The following PTPRT variants were observed in gnomAD, a reference collection of about 807,000 sequenced individuals.
PTPRT encodes protein tyrosine phosphatase receptor type T, also known as receptor-type tyrosine-protein phosphatase T.
PTPRT carries 56 observed loss-of-function variants against 176.8 expected under a neutral mutation model. The observed-to-expected ratio is 0.32, with a 90% confidence interval of 0.26 to 0.40. PTPRT has a LOEUF of 0.40. Among genes scored for constraint, PTPRT ranks in the 10% least tolerant of loss-of-function variants. The pLI, the probability that PTPRT is intolerant of heterozygous loss-of-function variation, is 1.00. For missense variants in PTPRT, 1,540 were observed against 1,908.2 expected, an observed-to-expected ratio of 0.81 and a Z score of 3.60; for synonymous variants, 783 against 739.0, an observed-to-expected ratio of 1.06 and a Z score of -0.96.
intron 9 of PTPRT, among the ~76,000 whole-genome samples, chr20:42,360,363 T>C (rs2058416895): frequency 6.6e-6 from 1 of 152,172 alleles, no homozygotes; most frequent in Non-Finnish European, 1.5e-5. Flanking sequence ...AGATTCACTC[T>C]TCCCAGCTGC....
At chr20:42,385,146 A>G (rs1287813741) in intron 9 of PTPRT, among the ~76,000 whole-genome samples, 2 of 152,278 alleles carry the variant, frequency 1.3e-5, no homozygotes, top group South Asian at 4.2e-4. Flanking sequence ...GTTATATCCA[A>G]AAATCATCGC....
intron 1 of PTPRT, among the ~76,000 whole-genome samples, chr20:43,091,471 TTCTC>T (rs137874026): frequency 0.06 from 6,460 of 107,746 alleles, 409 homozygotes; most frequent in African/African-American, 0.15. Flanking sequence ...CCCCCTCTCT[TTCTC>T]TCTCTCTCTC....
At chr20:42,616,417 G>A (rs1252461600) in intron 7 of PTPRT, among the ~76,000 whole-genome samples, 1 of 123,228 alleles carries the variant, frequency 8.1e-6, no homozygotes, top group South Asian at 2.6e-4. Context: ...ACTTGGCGAT[G>A]CGGGCTCTTT....
chr20:42,960,705 C>T (rs1356650008), intron 1 of PTPRT, among the ~76,000 whole-genome samples: 1 of 152,090 alleles, frequency 6.6e-6, no homozygotes, highest in African/African-American at 2.4e-5. Context: ...CACACACAGC[C>T]CTTAAGCAAC....
intron 3 of PTPRT, among the ~76,000 whole-genome samples, chr20:42,789,232 T>G (rs1240461658): frequency 1.3e-5 from 2 of 152,240 alleles, no homozygotes; most frequent in Non-Finnish European, 2.9e-5. Context: ...TTGTTTAGAT[T>G]GATTACATGT....
intron 8 of PTPRT, among the ~76,000 whole-genome samples, chr20:42,451,373 T>C (rs112897452): frequency 4.9e-4 from 75 of 152,272 alleles, no homozygotes; most frequent in African/African-American, 1.7e-3. Context: ...GCTCAGTTTT[T>C]GTCATACTTT....
chr20:43,117,852 A>C (rs943343899), intron 1 of PTPRT, among the ~76,000 whole-genome samples: 2 of 152,170 alleles, frequency 1.3e-5, no homozygotes, highest in African/African-American at 4.8e-5. Flanking sequence ...TTTCCCAGGG[A>C]AGTCTAAAAA....
chr20:42,368,745 A>G lies in PTPRT; in HGVS notation c.1561-16460T>C, dbSNP rs777978201. On this transcript the variant is annotated intron_variant, in intron 9 of 30. Coordinates refer to ENST00000373187, the MANE Select transcript of PTPRT (RefSeq NM_007050.6). ...TTCATTGAAAAATATCAAAATTTGC[A>G]TGAAAGACTTTTGCTAAAGTAATAG... Among the ~76,000 whole-genome samples the G allele has an allele frequency of 7.9e-5, 12 of 152,250 alleles. 1 individual carries two copies. Among genetic ancestry groups the G allele is most frequent in the Non-Finnish European group, 1.5e-4 (10 of 68,044 alleles).
the PTPRT span, among the ~76,000 whole-genome samples, chr20:42,062,193 TC>T: frequency 6.6e-6 from 1 of 152,170 alleles, no homozygotes; most frequent in East Asian, 1.9e-4. Context: ...TAACTCCCTT[TC>T]CTTTATGGGC....
chr20:43,115,433 C>T (rs1210787061), intron 1 of PTPRT, among the ~76,000 whole-genome samples: 1 of 152,118 alleles, frequency 6.6e-6, no homozygotes, highest in African/African-American at 2.4e-5. Flanking sequence ...TGTTCAAGCC[C>T]CCCAGTCAAA....
intron 13 of PTPRT, among the ~76,000 whole-genome samples, chr20:42,263,785 A>C (rs1031454077): frequency 2.0e-5 from 3 of 151,602 alleles, no homozygotes; most frequent in African/African-American, 7.3e-5. Context: ...CAGCCTCCCA[A>C]AGTGCTGGGA....
Position 42,520,465 on chromosome 20 carries a change from G to T in PTPRT, c.1154-47903C>A, listed in dbSNP as rs541024545. 2.9e-4 allele frequency among the ~76,000 whole-genome samples: 44 copies of T among 151,948 alleles called. 1 individual carries two copies. The highest frequency in any genetic ancestry group is 2.9e-3 in the Admixed American group (44 of 15,244). On this transcript the variant is annotated intron_variant, in intron 7 of 30. Transcript: ENST00000373187. Reference sequence around the variant, plus strand: ...TTGTCTTCCAAATACACATCCCCAGGCACCACGGCTTAGATTTTTCTGTTT... The same window carrying T: ...TTGTCTTCCAAATACACATCCCCAGTCACCACGGCTTAGATTTTTCTGTTT...
At chr20:42,060,613 C>T in the PTPRT span, among the ~76,000 whole-genome samples, 2 of 152,360 alleles carry the variant, frequency 1.3e-5, no homozygotes, top group African/African-American at 4.8e-5. Flanking sequence ...CAAGTTTTCT[C>T]TCTCTGCCTG....
chr20:42,794,983 G>A (rs1276747923), intron 2 of PTPRT, among the ~76,000 whole-genome samples: 4 of 152,076 alleles, frequency 2.6e-5, no homozygotes, highest in South Asian at 2.1e-4. Context: ...GCTCAAGCGC[G>A]CCACTAGAGA....
chr20:42,546,017 AAT>A (rs2072667595), intron 7 of PTPRT, among the ~76,000 whole-genome samples: 1 of 152,120 alleles, frequency 6.6e-6, no homozygotes, highest in South Asian at 2.1e-4. Context: ...TATCTCTTTC[AAT>A]ACATACAAAT....
intron 23 of PTPRT, among the ~76,000 whole-genome samples, chr20:42,109,209 G>A (rs1986799446): frequency 6.6e-6 from 1 of 152,162 alleles, no homozygotes; most frequent in Admixed American, 6.5e-5. Context: ...ACAGCTTATG[G>A]AGTCTTCCAT....
chr20:42,051,733 G>A, the PTPRT span, among the ~76,000 whole-genome samples: 1 of 152,232 alleles, frequency 6.6e-6, no homozygotes, highest in Admixed American at 6.5e-5. Flanking sequence ...AATCATTGGT[G>A]CATGTGTACA....
At chr20:42,808,119 G>C (rs2077639882) in intron 2 of PTPRT, among the ~76,000 whole-genome samples, 1 of 152,206 alleles carries the variant, frequency 6.6e-6, no homozygotes, top group Non-Finnish European at 1.5e-5. Context: ...TGCAGACTCG[G>C]ACGGGCCATT....
intron 6 of PTPRT, among the ~76,000 whole-genome samples, chr20:42,707,218 T>C (rs771960017): frequency 1.3e-5 from 2 of 152,174 alleles, no homozygotes; most frequent in Non-Finnish European, 2.9e-5. Flanking sequence ...TGCTTTGTTG[T>C]AGCAGCCCTA....
Sources: gnomAD v4.1 joint callset for allele counts (sites outside exome capture counted in the v4.1 genomes callset) on GRCh38, gnomAD v4.1.1 for gene constraint, MANE v1.5 for transcripts, NCBI Gene and HGNC (gene_info 2026-07-23, HGNC 2026-07-21) for gene names.